The following ACRBP variants were observed in gnomAD, a reference collection of about 807,000 sequenced individuals.
ACRBP encodes the protein acrosin-binding protein.
Under a neutral mutation model 69.0 loss-of-function variants are expected in ACRBP, and 52 were observed. That is an observed-to-expected ratio of 0.75 (90% CI 0.60 to 0.95). The LOEUF is 0.95. Among genes scored for constraint, ACRBP ranks in the 40% least tolerant of loss-of-function variants. ACRBP has a pLI of 0.00. For missense variants in ACRBP, 604 were observed against 673.0 expected (o/e 0.90, Z 1.13); for synonymous variants, 267 against 258.9 (o/e 1.03, Z -0.30).
Position 6,646,979 on chromosome 12 carries a change from T to TG in ACRBP, c.76dup (p.Gln26ProfsTer55), listed in dbSNP as rs1318498355. The TG allele has an allele frequency of 2.5e-6, 4 of 1,612,070 alleles. No homozygotes were observed. The highest frequency in any genetic ancestry group is 3.4e-6 in the Non-Finnish European group (4 of 1,179,912). On this transcript the variant is annotated frameshift_variant, in exon 2 of 10. Coordinates refer to ENST00000229243, the MANE Select transcript of ACRBP (RefSeq NM_032489.3). LOFTEE classifies it high-confidence loss of function. ...TGGAGTGGAGGCCTGAGTCGAATCC[T>TG]GGGCTGCGGCAGGTGCCAGAGGCAG...
Position 6,647,395 on chromosome 12 carries a change from G to A in ACRBP, c.-29C>T. 2.7e-6 allele frequency: 4 copies of A among 1,508,246 alleles called. No homozygotes were observed. Among genetic ancestry groups the A allele is most frequent in the East Asian group, 2.5e-5 (1 of 39,810 alleles). 93.4% of individuals were successfully genotyped at this position (1,508,246 alleles called of 1,614,324 possible). ...CGGAGAAGATCCGCCCGCGTCCCGT[G>A]GACACAAGCCGCCTCTAACGGGCCA... On this transcript the variant is annotated 5_prime_UTR_variant, in exon 1 of 10. Transcript: ENST00000229243.
At position 6,646,562 on chromosome 12, in the gene ACRBP, T is replaced by C. The variant is rs199549378; in HGVS notation, c.278A>G (p.Asn93Ser). 71 of 1,613,658 alleles carry C rather than the reference T, an allele frequency of 4.4e-5. No homozygotes were observed. The East Asian group carries it at 1.5e-3, about 33-fold the overall frequency. ...GLVPDGAVCSNLPYASWFESF... is the reference protein window; with the variant it reads ...GLVPDGAVCSSLPYASWFESF... ...CTCAAACCAGGAGGCATAAGGGAGG[T>C]TGGAGCAGACAGCACCTGAGAAAGG... Residue 93 changes from asparagine (N) to serine (S), a missense_variant, in exon 3 of 10, where the codon AAC becomes AGC. Asn to Ser is a conservative substitution (Grantham distance 46, BLOSUM62 1). This residue lies in a region of ACRBP where 532 missense variants were observed against 562.9 expected (regional missense o/e 0.95). Coordinates refer to ENST00000229243, the MANE Select transcript of ACRBP (RefSeq NM_032489.3).
intron 6 of ACRBP, among the ~76,000 whole-genome samples, chr12:6,642,945 G>A (rs182978988): frequency 6.6e-6 from 1 of 152,224 alleles, no homozygotes; most frequent in African/African-American, 2.4e-5. Flanking sequence ...TGGTGAGGTG[G>A]ATCAAGAATC....
intron 6 of ACRBP, among the ~76,000 whole-genome samples, chr12:6,641,302 G>C (rs182900296): frequency 7.2e-5 from 11 of 152,244 alleles, no homozygotes; most frequent in African/African-American, 1.7e-4. Flanking sequence ...TCAATCCCAC[G>C]GTCCTCCTTC....
chr12:6,643,807 C>G (rs1949069735), intron 5 of ACRBP, 136 bp from the exon 6 acceptor site: 5 of 1,272,100 alleles, frequency 3.9e-6, no homozygotes, highest in Non-Finnish European at 4.3e-6. Flanking sequence ...CCTTAGAGGC[C>G]TCTGGACAAA....
Position 6,638,685 on chromosome 12 carries a change from A to G in ACRBP, c.1509+269T>C, listed in dbSNP as rs146008728. On this transcript the variant is annotated intron_variant, in intron 9 of 9. Transcript: ENST00000229243. Reference sequence around the variant, plus strand: ...GAAGAGGAGACAGACCGAGACCTCAACGTCCAAGTCCTGGCCCAGCCAAGG... The same window carrying G: ...GAAGAGGAGACAGACCGAGACCTCAGCGTCCAAGTCCTGGCCCAGCCAAGG... The G allele has an allele frequency of 1.6e-4, 223 of 1,422,168 alleles. No homozygotes were observed. The African/African-American group carries it at 2.7e-3, about 17-fold the overall frequency. The allele number at this position is 1,422,168 out of a possible 1,614,324, so 88.1% of individuals were successfully genotyped here.
chr12:6,646,844 G>C lies in ACRBP; in HGVS notation c.212C>G (p.Pro71Arg). 6.2e-7 allele frequency: 1 copy of C among 1,614,142 alleles called. No homozygotes were observed. Among genetic ancestry groups the C allele is most frequent in the Admixed American group, 1.7e-5 (1 of 60,018 alleles). The stretch of plus-strand genomic sequence containing the variant: ...ATATTGGTCCAGCTGGACGAGTGTG[G>C]GATTCCGGCAGCCGTGGGTTGCACG... Reference protein sequence around the residue: ...RLRATHGCRNPTLVQLDQYEN... With the variant: ...RLRATHGCRNRTLVQLDQYEN... The change falls in exon 2 of 10, where the codon CCC becomes CGC. Residue 71 changes from proline (P) to arginine (R), a missense_variant. Around this residue, in one of 3 missense-constraint regions of ACRBP, gnomAD observed 532 missense variants for 562.9 expected, o/e 0.95. Coordinates refer to ENST00000229243, the MANE Select transcript of ACRBP (RefSeq NM_032489.3).
chr12:6,643,753 A>G, intron 5 of ACRBP, 82 bp from the exon 6 acceptor site: 3 of 1,561,578 alleles, frequency 1.9e-6, no homozygotes, highest in Non-Finnish European at 2.6e-6. Flanking sequence ...CCCTTCCCTT[A>G]GTGTCTGCTT....
Position 6,643,672 on chromosome 12 carries a change from C to T in ACRBP, c.945-1G>A, listed in dbSNP as rs894758134. 1 of 1,613,688 alleles carries T rather than the reference C, an allele frequency of 6.2e-7. No individual in the cohort carries two copies. The highest frequency in any genetic ancestry group is 1.3e-5 in the African/African-American group (1 of 74,934). ...CTCTGTGTGGGGCAGCTGCAGGAGG[C>T]TGCAAGAAGACAGCACTGAGGGTGG... is the stretch of plus-strand genomic sequence containing the variant. On this transcript the variant is annotated splice_acceptor_variant, in intron 5 of 9. Coordinates refer to ENST00000229243, the MANE Select transcript of ACRBP (RefSeq NM_032489.3). LOFTEE classifies it high-confidence loss of function.
chr12:6,647,239 G>T, intron 1 of ACRBP, 85 bp downstream of exon 1: 1 of 1,454,184 alleles, frequency 6.9e-7, no homozygotes, highest in Non-Finnish European at 9.3e-7. Context: ...ATGAGGAAGC[G>T]ATCCAGAAAC....
At chr12:6,639,294 C>T (rs73047897) in intron 8 of ACRBP, among the ~76,000 whole-genome samples, 16,083 of 152,170 alleles carry the variant, frequency 0.11, 1,095 homozygotes, top group Middle Eastern at 0.19. Flanking sequence ...GCTGAGGAAG[C>T]GGGAATGGGG....
chr12:6,639,760 A>T (rs1949037351), intron 8 of ACRBP, among the ~76,000 whole-genome samples: 1 of 152,142 alleles, frequency 6.6e-6, no homozygotes, highest in Non-Finnish European at 1.5e-5. Flanking sequence ...TGACTCTTTG[A>T]TTGAGTAGGA....
rs532605296 is a variant in ACRBP, at chr12:6,644,374, T to G, written c.707A>C (p.Gln236Pro). The change falls in exon 5 of 10, where the codon CAG (glutamine) becomes CCG (proline). Residue 236 changes from glutamine (Q) to proline (P), a missense_variant. By Grantham distance (76) the Gln-to-Pro change is moderately conservative. Around this residue, in one of 3 missense-constraint regions of ACRBP, gnomAD observed 532 missense variants for 562.9 expected, o/e 0.95. Coordinates refer to ENST00000229243, the MANE Select transcript of ACRBP (RefSeq NM_032489.3). ...QEEEGKQEEG[Q>P]GTKEGREAVS... is the part of the protein sequence containing the mutation. ...AGCCTCCCGTCCCTCCTTAGTCCCC[T>G]GTCCTTCTTCCTGCTTTCCCTCCTC... is the stretch of plus-strand genomic sequence containing the variant. 1.2e-6 allele frequency: 2 copies of G among 1,613,962 alleles called. No homozygotes were observed.
At chr12:6,643,253 G>A (rs1164482958) in intron 6 of ACRBP, among the ~76,000 whole-genome samples, 1 of 151,494 alleles carries the variant, frequency 6.6e-6, no homozygotes, top group Non-Finnish European at 1.5e-5. Flanking sequence ...GTAAGACCCT[G>A]TCTCAAAAAA....
chr12:6,640,202 A>G lies in ACRBP; in HGVS notation c.1283T>C (p.Phe428Ser), dbSNP rs1200804936. 6.2e-7 allele frequency: 1 copy of G among 1,614,142 alleles called. No homozygotes were observed. The highest frequency in any genetic ancestry group is 1.1e-5 in the South Asian group (1 of 91,086). ...NQVGSPESGR[F>S]YGLDLYGGLH... ...CCCACCGTACAAATCCAGCCCGTAA[A>G]AGCGGCCTGATTCTGGGGACCCTAC... Residue 428 changes from phenylalanine to serine, a missense_variant, in exon 8 of 10, where the codon TTT becomes TCT. Coordinates refer to ENST00000229243, the MANE Select transcript of ACRBP (RefSeq NM_032489.3). This position sits in a 1 kb window ranked among gnomAD's most constrained non-coding sequence, Gnocchi z 5.3.
chr12:6,644,747 G>T, intron 4 of ACRBP, 142 bp from the exon 5 acceptor site: 1 of 1,335,308 alleles, frequency 7.5e-7, no homozygotes, highest in East Asian at 2.5e-5. Flanking sequence ...AAGAACATAA[G>T]TATTAAACTA....
Position 6,640,053 on chromosome 12 carries a change from T to G in ACRBP, c.1425+7A>C, listed in dbSNP as rs1373812111. ...GATGGGGCTGAGCTTTGGGGAAAGGTTCTAACCTTGGTAGGGAAATCCCCA... is the reference window on the plus strand; with the variant it reads ...GATGGGGCTGAGCTTTGGGGAAAGGGTCTAACCTTGGTAGGGAAATCCCCA... On this transcript the variant is annotated splice_region_variant and intron_variant, in intron 8 of 9. Transcript: ENST00000229243. This position sits in a 1 kb window ranked among gnomAD's most constrained non-coding sequence, Gnocchi z 5.3. 1.2e-6 allele frequency: 2 copies of G among 1,613,854 alleles called. No individual in the cohort carries two copies. Among genetic ancestry groups the G allele is most frequent in the South Asian group, 1.1e-5 (1 of 91,072 alleles).
intron 3 of ACRBP, among the ~76,000 whole-genome samples, chr12:6,646,233 A>G (rs1310279458): frequency 6.6e-6 from 1 of 151,756 alleles, no homozygotes; most frequent in Non-Finnish European, 1.5e-5. Flanking sequence ...CGGGCTCCCA[A>G]AGTGCTGAGA....
intron 2 of ACRBP, 48 bp from the exon 3 acceptor site, chr12:6,646,625 G>A (rs369588076): frequency 3.8e-5 from 60 of 1,571,108 alleles, no homozygotes; most frequent in Non-Finnish European, 5.1e-5. Context: ...GGAGCTTGGG[G>A]TGGGGCTGTG....
Sources: gnomAD v4.1 joint callset for allele counts (sites outside exome capture counted in the v4.1 genomes callset) on GRCh38, gnomAD v4.1.1 for gene constraint, gnomAD v4.1.1 regional missense constraint, Gnocchi (gnomAD v3.1) non-coding constraint, MANE v1.5 for transcripts, NCBI Gene and HGNC (gene_info 2026-07-23, HGNC 2026-07-21) for gene names.